PHF24: variants seen among roughly 807,000 people sequenced by gnomAD.
PHF24 encodes Galpha inhibitory interacting protein.
In PHF24, 25 loss-of-function variants were observed where a neutral mutation model predicts 42.6. That is an observed-to-expected ratio of 0.59 (90% CI 0.43 to 0.82). The LOEUF is 0.82. PHF24 is among the 40% of genes least tolerant of loss of function. The pLI is 0.00. For synonymous variants in PHF24, 185 were observed against 204.8 expected (o/e 0.90, Z 0.83); for missense variants, 470 against 538.1 (o/e 0.87, Z 1.25).
the PHF24 span, among the ~76,000 whole-genome samples, chr9:34,795,058 G>GA: frequency 6.6e-6 from 1 of 151,916 alleles, no homozygotes; most frequent in Non-Finnish European, 1.5e-5. Context: ...TAAAGATAAA[G>GA]AAAAAATTGT....
chr9:34,770,901 G>A, the PHF24 span, among the ~76,000 whole-genome samples: 1 of 152,102 alleles, frequency 6.6e-6, no homozygotes, highest in Non-Finnish European at 1.5e-5. Flanking sequence ...ATTACTTGAG[G>A]TCAGGAGTTA....
chr9:34,764,245 G>A, the PHF24 span, among the ~76,000 whole-genome samples: 35 of 152,212 alleles, frequency 2.3e-4, no homozygotes, highest in Non-Finnish European at 4.1e-4. Context: ...CTCTTTTTCT[G>A]TTGATTGGAA....
At chr9:34,881,517 G>A in the PHF24 span, among the ~76,000 whole-genome samples, 1 of 152,142 alleles carries the variant, frequency 6.6e-6, no homozygotes, top group Non-Finnish European at 1.5e-5. Flanking sequence ...AATAAAAAAT[G>A]ATAAAGGGGA....
the PHF24 span, among the ~76,000 whole-genome samples, chr9:34,718,364 CCTCA>C: frequency 6.6e-6 from 1 of 152,176 alleles, no homozygotes; most frequent in Non-Finnish European, 1.5e-5. Context: ...AGGGTCCTGG[CCTCA>C]CTGTTTCTGG....
chr9:34,683,480 G>A, the PHF24 span, among the ~76,000 whole-genome samples: 7 of 152,222 alleles, frequency 4.6e-5, no homozygotes, highest in Non-Finnish European at 7.3e-5. Flanking sequence ...CCCTCCACTT[G>A]TCCCTCTCCT....
At chr9:34,885,727 C>G in the PHF24 span, among the ~76,000 whole-genome samples, 2 of 152,230 alleles carry the variant, frequency 1.3e-5, no homozygotes, top group South Asian at 4.1e-4. Context: ...CTTGCTCAGG[C>G]TCCATGCATT....
chr9:34,764,181 C>T, the PHF24 span, among the ~76,000 whole-genome samples: 41 of 152,146 alleles, frequency 2.7e-4, no homozygotes, highest in African/African-American at 8.7e-4. Flanking sequence ...TGTCTCTGCC[C>T]GGCTTTGGTA....
At chr9:34,821,278 T>A in the PHF24 span, among the ~76,000 whole-genome samples, 1 of 152,362 alleles carries the variant, frequency 6.6e-6, no homozygotes. Context: ...ACATTTTATT[T>A]ATTTCTTTCT....
the PHF24 span, among the ~76,000 whole-genome samples, chr9:34,883,854 C>A: frequency 1.3e-5 from 2 of 152,198 alleles, no homozygotes; most frequent in Non-Finnish European, 2.9e-5. Context: ...AGCCAGCCAT[C>A]CCATTACTGG....
the PHF24 span, among the ~76,000 whole-genome samples, chr9:34,667,491 C>T: frequency 6.6e-6 from 1 of 152,206 alleles, no homozygotes; most frequent in African/African-American, 2.4e-5. Flanking sequence ...TGTTGACACT[C>T]CAGGCCTGGC....
At chr9:34,911,245 CTTTTCT>C in the PHF24 span, among the ~76,000 whole-genome samples, 83 of 151,542 alleles carry the variant, frequency 5.5e-4, no homozygotes, top group African/African-American at 1.1e-3. Context: ...GTTTTCTTTT[CTTTTCT>C]TTTTCTTTTT....
the PHF24 span, among the ~76,000 whole-genome samples, chr9:34,764,378 C>G: frequency 6.6e-6 from 1 of 151,766 alleles, no homozygotes; most frequent in Non-Finnish European, 1.5e-5. Flanking sequence ...ATTTCAGAGC[C>G]TGTTATTGGT....
the PHF24 span, among the ~76,000 whole-genome samples, chr9:34,813,237 A>G: frequency 6.6e-6 from 1 of 152,082 alleles, no homozygotes; most frequent in African/African-American, 2.4e-5. Flanking sequence ...TTGCCTTTAT[A>G]AATAGTCTCA....
chr9:34,757,415 A>G, the PHF24 span, among the ~76,000 whole-genome samples: 4 of 152,176 alleles, frequency 2.6e-5, 1 homozygote, highest in South Asian at 4.1e-4. Flanking sequence ...CATCTCTAAC[A>G]TTTTTGGCAG....
chr9:34,868,264 G>C, the PHF24 span, among the ~76,000 whole-genome samples: 1 of 152,130 alleles, frequency 6.6e-6, no homozygotes, highest in East Asian at 1.9e-4. Flanking sequence ...GAAAAAGAAA[G>C]AATCATGACA....
intron 1 of PHF24, among the ~76,000 whole-genome samples, chr9:34,960,027 G>A (rs1424338828): frequency 6.6e-6 from 1 of 152,202 alleles, no homozygotes. Context: ...AAGGCTCACT[G>A]GGAGTCTGTT....
At chr9:34,846,510 G>C in the PHF24 span, among the ~76,000 whole-genome samples, 7 of 152,052 alleles carry the variant, frequency 4.6e-5, no homozygotes, top group East Asian at 1.3e-3. Context: ...CCCTTTGTCA[G>C]ATGAGTAGGT....
chr9:34,817,856 A>G, the PHF24 span, among the ~76,000 whole-genome samples: 1 of 152,230 alleles, frequency 6.6e-6, no homozygotes, highest in African/African-American at 2.4e-5. Context: ...ATTGAAGACT[A>G]TTGTTGAAAA....
At chr9:34,836,148 G>GC in the PHF24 span, 1 of 422,602 alleles carries the variant, frequency 2.4e-6, no homozygotes, top group Non-Finnish European at 4.8e-6. Flanking sequence ...CCCTAGTCCT[G>GC]CAAGTCTAGA....
Sources: allele counts gnomAD v4.1 joint callset (sites outside exome capture counted in the v4.1 genomes callset), GRCh38; gene constraint gnomAD v4.1.1; transcripts MANE v1.5; gene names NCBI Gene and HGNC (gene_info 2026-07-23, HGNC 2026-07-21).